The following STOX2 variants were observed in gnomAD, a reference collection of about 807,000 sequenced individuals.
The protein encoded by STOX2 is storkhead-box protein 2.
A neutral mutation model predicts 60.9 loss-of-function variants in STOX2; 28 were observed. That is an observed-to-expected ratio of 0.46 (90% CI 0.34 to 0.63). STOX2 has a LOEUF of 0.63. Ranked by LOEUF, STOX2 falls within the 30% of genes least tolerant of loss-of-function variation. The probability of loss-of-function intolerance (pLI) is 0.01; values close to 1 mark genes in which losing one functional copy is unlikely to be tolerated. For missense variants in STOX2, 1,024 were observed against 1,187.7 expected, an observed-to-expected ratio of 0.86 and a Z score of 2.03; for synonymous variants, 472 against 463.9, an observed-to-expected ratio of 1.02 and a Z score of -0.22.
At chr4:183,926,012 T>G (rs1360995307) in intron 1 of STOX2, among the ~76,000 whole-genome samples, 2 of 152,178 alleles carry the variant, frequency 1.3e-5, no homozygotes, top group African/African-American at 2.4e-5. Flanking sequence ...TCCAAATTGG[T>G]AGGTTTCGAA....
At chr4:183,914,768 T>C (rs976529019) in intron 1 of STOX2, among the ~76,000 whole-genome samples, 1 of 152,188 alleles carries the variant, frequency 6.6e-6, no homozygotes, top group Non-Finnish European at 1.5e-5. Flanking sequence ...AGAGCCCTCC[T>C]TGGGTTTCTG....
At chr4:183,970,036 T>A (rs1743693448) in intron 1 of STOX2, among the ~76,000 whole-genome samples, 1 of 152,182 alleles carries the variant, frequency 6.6e-6, no homozygotes. Flanking sequence ...CATTCATTCC[T>A]GTCTCAATAG....
chr4:183,881,494 C>A (rs1254182474), intron 1 of STOX2, among the ~76,000 whole-genome samples: 1 of 152,110 alleles, frequency 6.6e-6, no homozygotes, highest in Non-Finnish European at 1.5e-5. Context: ...ATGCAAAACT[C>A]CTTCTGAAAA....
chr4:183,938,677 A>AG (rs1742661431), intron 1 of STOX2, among the ~76,000 whole-genome samples: 1 of 151,396 alleles, frequency 6.6e-6, no homozygotes, highest in Non-Finnish European at 1.5e-5. Context: ...TCCAAAAAAA[A>AG]AAAAAAAAAA....
intron 2 of STOX2, among the ~76,000 whole-genome samples, chr4:184,004,101 G>A (rs1352829492): frequency 6.6e-6 from 1 of 151,860 alleles, no homozygotes; most frequent in Non-Finnish European, 1.5e-5. Context: ...TATATTTTTT[G>A]TTTTTAAAGG....
upstream of STOX2, among the ~76,000 whole-genome samples, chr4:183,903,560 T>C (rs1037889787): frequency 6.6e-6 from 1 of 152,236 alleles, no homozygotes; most frequent in Non-Finnish European, 1.5e-5. Context: ...ATCCCAGGGC[T>C]TGCGTATTCT....
At chr4:183,951,605 T>C (rs62339712) in intron 1 of STOX2, among the ~76,000 whole-genome samples, 61,486 of 150,926 alleles carry the variant, frequency 0.41, 14,320 homozygotes, top group African/African-American at 0.65. Context: ...CGTGAGCCGC[T>C]GCGCTCGGCA....
At chr4:183,883,852 T>C (rs1374334195) in intron 1 of STOX2, among the ~76,000 whole-genome samples, 1 of 104,018 alleles carries the variant, frequency 9.6e-6, no homozygotes, top group African/African-American at 3.1e-5. Context: ...ACTAGTAAAT[T>C]TTATTTTATT....
At chr4:183,950,938 G>T (rs985881850) in intron 1 of STOX2, among the ~76,000 whole-genome samples, 1 of 152,124 alleles carries the variant, frequency 6.6e-6, no homozygotes, top group Non-Finnish European at 1.5e-5. Flanking sequence ...TAGTGCGGCC[G>T]GGCGCGGTGG....
At chr4:183,954,808 G>A (rs912044110) in intron 1 of STOX2, among the ~76,000 whole-genome samples, 6 of 152,134 alleles carry the variant, frequency 3.9e-5, no homozygotes, top group Non-Finnish European at 5.9e-5. Flanking sequence ...GTGCGATCTC[G>A]GCTCAGTGCA....
chr4:183,801,909 T>C (rs1235457261), intron 1 of STOX2, among the ~76,000 whole-genome samples: 3 of 152,130 alleles, frequency 2.0e-5, no homozygotes, highest in Admixed American at 6.5e-5. Flanking sequence ...TAGAAAGAAA[T>C]AGGAGCACTA....
intron 1 of STOX2, among the ~76,000 whole-genome samples, chr4:183,835,795 T>C (rs1739694750): frequency 6.6e-6 from 1 of 152,170 alleles, no homozygotes; most frequent in African/African-American, 2.4e-5. Context: ...TGTTTCCAGT[T>C]TTTGGCTATT....
chr4:183,939,582 C>T (rs1327711592), intron 1 of STOX2, among the ~76,000 whole-genome samples: 1 of 152,016 alleles, frequency 6.6e-6, no homozygotes, highest in Non-Finnish European at 1.5e-5. Context: ...CACTCAGCGA[C>T]TACAGATGGT....
At chr4:183,828,246 C>T (rs113809079) in intron 1 of STOX2, among the ~76,000 whole-genome samples, 44 of 152,212 alleles carry the variant, frequency 2.9e-4, no homozygotes, top group African/African-American at 1.0e-3. Flanking sequence ...AGGGTGGACT[C>T]GGAAACTGGC....
At position 184,017,259 on chromosome 4, in the gene STOX2, T is replaced by A; in HGVS notation, c.2756T>A (p.Leu919Ter). ...AAGCTACAGAAACCTTCCAACTGCT[T>A]GCAAGCTTCTGTTACTAGCGTGTGA... ...AEKLQKPSNC[L>*]QASVTSV The change falls in exon 4 of 4, where the codon TTG (leucine) becomes TAG (stop). Residue 919 changes from leucine to a stop codon, truncating the protein, a stop_gained. Coordinates refer to ENST00000308497, the MANE Select transcript of STOX2 (RefSeq NM_020225.3). LOFTEE classifies it high-confidence loss of function. The A allele has an allele frequency of 6.2e-7, 1 of 1,600,262 alleles. No individual in the cohort carries two copies. Among genetic ancestry groups the A allele is most frequent in the Non-Finnish European group, 8.5e-7 (1 of 1,173,154 alleles).
intron 1 of STOX2, among the ~76,000 whole-genome samples, chr4:183,975,053 C>G (rs1165699010): frequency 6.6e-6 from 1 of 152,058 alleles, no homozygotes; most frequent in Non-Finnish European, 1.5e-5. Context: ...ATTGATAAAT[C>G]TCTAAATACT....
At chr4:183,951,000 G>A (rs1238536089) in intron 1 of STOX2, among the ~76,000 whole-genome samples, 1 of 152,004 alleles carries the variant, frequency 6.6e-6, no homozygotes, top group Non-Finnish European at 1.5e-5. Flanking sequence ...CGGATCACGA[G>A]GTCAGGAGAT....
At chr4:183,819,865 T>G (rs1164298472) in intron 1 of STOX2, among the ~76,000 whole-genome samples, 26 of 152,160 alleles carry the variant, frequency 1.7e-4, no homozygotes. Context: ...TGCCGTTGCC[T>G]TTGGAGGAGA....
At chr4:183,978,168 T>C (rs1393662843) in intron 1 of STOX2, among the ~76,000 whole-genome samples, 2 of 152,240 alleles carry the variant, frequency 1.3e-5, no homozygotes, top group Non-Finnish European at 2.9e-5. Context: ...CATAAATTCT[T>C]TGCTTTGACC....
Sources: allele counts gnomAD v4.1 joint callset (sites outside exome capture counted in the v4.1 genomes callset), GRCh38; gene constraint gnomAD v4.1.1; transcripts MANE v1.5; gene names NCBI Gene and HGNC (gene_info 2026-07-23, HGNC 2026-07-21).